GAS2: variants seen among roughly 807,000 people sequenced by gnomAD.
GAS2 encodes growth arrest specific 2, also known as growth arrest-specific protein 2.
Under a neutral mutation model 37.5 loss-of-function variants are expected in GAS2, and 20 were observed. The ratio of observed to expected loss-of-function variants is 0.53; its 90% CI spans 0.37 to 0.77. The LOEUF (loss-of-function observed/expected upper bound fraction) is 0.77. Among genes scored for constraint, GAS2 ranks in the 30% least tolerant of loss-of-function variants. GAS2 has a pLI of 0.00. For synonymous variants in GAS2, 144 were observed against 132.2 expected (o/e 1.09, Z -0.61); for missense variants, 336 against 373.4 (o/e 0.90, Z 0.82).
chr11:22,787,864 T>C (rs1016569323), intron 7 of GAS2, among the ~76,000 whole-genome samples: 9 of 152,226 alleles, frequency 5.9e-5, no homozygotes, highest in Non-Finnish European at 1.0e-4. Context: ...TTAGTTCTTT[T>C]GAAAGAGATC....
Position 22,812,269 on chromosome 11 carries a change from G to T in GAS2, c.*253G>T. ...GGCAAATTATTATTTCTCAATATGC[G>T]AACACAGTATTTAGAACACAATATT... is the stretch of plus-strand genomic sequence containing the variant. On this transcript the variant is annotated 3_prime_UTR_variant, in exon 8 of 8. Transcript: ENST00000454584. 2.4e-6 allele frequency: 1 copy of T among 423,516 alleles called. No homozygotes were observed. The highest frequency in any genetic ancestry group is 4.3e-6 in the Non-Finnish European group (1 of 233,560). The allele number at this position is 423,516 out of a possible 1,614,324, so 26.2% of individuals were successfully genotyped here.
At chr11:22,739,967 G>A (rs186599964) in intron 5 of GAS2, among the ~76,000 whole-genome samples, 1 of 151,800 alleles carries the variant, frequency 6.6e-6, no homozygotes, top group Admixed American at 6.6e-5. Flanking sequence ...TTTATATATT[G>A]TTATTATATA....
chr11:22,635,910 G>C (rs1156305029), intron 1 of GAS2, among the ~76,000 whole-genome samples: 1 of 152,082 alleles, frequency 6.6e-6, no homozygotes, highest in East Asian at 1.9e-4. Flanking sequence ...CCTGGGGCAG[G>C]TTCCCCAATG....
At chr11:22,728,131 G>T (rs337452) in intron 4 of GAS2, among the ~76,000 whole-genome samples, 26,915 of 151,862 alleles carry the variant, frequency 0.18, 2,571 homozygotes, top group East Asian at 0.37. Flanking sequence ...TTTTCTCAGT[G>T]ATTACTATAG....
At chr11:22,796,983 CCT>C (rs1220825745) in intron 7 of GAS2, among the ~76,000 whole-genome samples, 3 of 152,046 alleles carry the variant, frequency 2.0e-5, no homozygotes, top group African/African-American at 7.2e-5. Flanking sequence ...ACAAATCCTT[CCT>C]CTGACACCAA....
intron 3 of GAS2, among the ~76,000 whole-genome samples, chr11:22,709,173 C>T (rs561865767): frequency 6.6e-6 from 1 of 151,276 alleles, no homozygotes; most frequent in African/African-American, 2.4e-5. Context: ...TTTGATTAGA[C>T]TGTAGAACTC....
intron 5 of GAS2, among the ~76,000 whole-genome samples, chr11:22,748,019 T>C (rs776558176): frequency 2.0e-5 from 3 of 152,176 alleles, no homozygotes. Context: ...TTTCATATAC[T>C]GTTCAATAAG....
chr11:22,632,651 A>G (rs938944022), intron 1 of GAS2, among the ~76,000 whole-genome samples: 6 of 152,140 alleles, frequency 3.9e-5, no homozygotes, highest in Non-Finnish European at 8.8e-5. Context: ...ATAAGTTTTC[A>G]AAACTTTTTG....
chr11:22,768,059 A>C lies in GAS2; in HGVS notation c.723+12106A>C, dbSNP rs139950198. ...ACTGATTCACATCAACTTTTAGTTC[A>C]CTGAAATGGTGTATTAACATTTTCA... On this transcript the variant is annotated intron_variant, in intron 7 of 7. Transcript: ENST00000454584. Among the ~76,000 whole-genome samples, 364 of 152,282 alleles carry C rather than the reference A, an allele frequency of 2.4e-3. 1 individual carries two copies. The highest frequency in any genetic ancestry group is 8.2e-3 in the African/African-American group (340 of 41,548).
In GAS2 at chr11:22,629,978, T is replaced by G. The variant is rs118076371; in HGVS notation, c.-21+4165T>G. ...ATGTCTTTAATACATCTTGAGTTGA[T>G]TTTTCTTAAATGATGAGAGATAGGG... On this transcript the variant is annotated intron_variant, in intron 1 of 5. Coordinates refer to the GAS2 transcript ENST00000528582. 3.7e-3 allele frequency among the ~76,000 whole-genome samples: 569 copies of G among 152,278 alleles called. 16 individuals carry two copies. In the East Asian group the frequency reaches 0.076, roughly 20 times the overall value.
Position 22,718,363 on chromosome 11 carries a change from G to A in GAS2, c.268-7929G>A, listed in dbSNP as rs141639151. On this transcript the variant is annotated intron_variant, in intron 3 of 7. Coordinates refer to ENST00000454584, the MANE Select transcript of GAS2 (RefSeq NM_001143830.3). The stretch of plus-strand genomic sequence containing the variant: ...ATGGAATGAAATAATGGCATTCACA[G>A]CAACCTGAATAGAGTTCGAGACCAT... Among the ~76,000 whole-genome samples, 210 of 152,136 alleles carry A rather than the reference G, an allele frequency of 1.4e-3. 1 individual carries two copies. Among genetic ancestry groups the A allele is most frequent in the African/African-American group, 4.8e-3 (201 of 41,508 alleles).
In GAS2 at chr11:22,728,870, C is replaced by CT. The variant is rs1307980672; in HGVS notation, c.409+2451dup. On this transcript the variant is annotated intron_variant, in intron 4 of 7. Transcript: ENST00000454584. The stretch of plus-strand genomic sequence containing the variant: ...ATTTCCACAAGTGGAACCGTTTCTC[C>CT]TTTTTTTTTTTTTTAATTATTCATT... Among the ~76,000 whole-genome samples the CT allele has an allele frequency of 4.2e-3, 585 of 139,880 alleles. 5 individuals are homozygous for CT. The highest frequency in any genetic ancestry group is 0.029 in the East Asian group (139 of 4,800). 91.8% of individuals were successfully genotyped at this position (139,880 alleles called of 152,430 possible).
At chr11:22,741,693 T>C (rs1853090803) in intron 5 of GAS2, among the ~76,000 whole-genome samples, 2 of 152,144 alleles carry the variant, frequency 1.3e-5, no homozygotes, top group African/African-American at 4.8e-5. Context: ...GATGATTAAC[T>C]GACCCATCCT....
At position 22,718,163 on chromosome 11, in the gene GAS2, A is replaced by G. The variant is rs920181774; in HGVS notation, c.268-8129A>G. On this transcript the variant is annotated intron_variant, in intron 3 of 7. Transcript: ENST00000454584. The stretch of plus-strand genomic sequence containing the variant: ...ATAAGTCATTATATGAAAGACACTT[A>G]CACACGCATGTTTATAGCAGCACAA... Among the ~76,000 whole-genome samples the G allele has an allele frequency of 2.0e-5, 3 of 152,234 alleles. No individual in the cohort carries two copies. The East Asian group carries it at 5.8e-4, about 29-fold the overall frequency.
chr11:22,653,174 G>A (rs181290922), intron 1 of GAS2, among the ~76,000 whole-genome samples: 180 of 144,150 alleles, frequency 1.2e-3, no homozygotes, highest in African/African-American at 4.4e-3. Flanking sequence ...TTCCCCTTAC[G>A]TACACTCATT....
chr11:22,741,226 G>C (rs1345950557), intron 5 of GAS2, among the ~76,000 whole-genome samples: 1 of 152,000 alleles, frequency 6.6e-6, no homozygotes, highest in Non-Finnish European at 1.5e-5. Flanking sequence ...CAACTAAATA[G>C]AGCTATCATC....
chr11:22,756,722 T>A (rs1168129652), intron 7 of GAS2, among the ~76,000 whole-genome samples: 6 of 152,180 alleles, frequency 3.9e-5, no homozygotes, highest in African/African-American at 1.4e-4. Context: ...AATTTTAATC[T>A]AATTTTAGAT....
chr11:22,719,611 T>C (rs190179560), intron 3 of GAS2, among the ~76,000 whole-genome samples: 587 of 152,256 alleles, frequency 3.9e-3, no homozygotes, highest in African/African-American at 0.013. Context: ...AACAATTCTG[T>C]GTGCTCTACC....
chr11:22,754,944 T>C (rs1217084259), intron 6 of GAS2, among the ~76,000 whole-genome samples: 1 of 152,136 alleles, frequency 6.6e-6, no homozygotes, highest in Admixed American at 6.6e-5. Context: ...GTTTCTTCCA[T>C]GGAAACTTTT....
Sources: gnomAD v4.1 joint callset for allele counts (sites outside exome capture counted in the v4.1 genomes callset) on GRCh38, gnomAD v4.1.1 for gene constraint, MANE v1.5 for transcripts, NCBI Gene and HGNC (gene_info 2026-07-23, HGNC 2026-07-21) for gene names.